Variants in PTPN14 observed in about 807,000 individuals in gnomAD.
PTPN14 encodes tyrosine-protein phosphatase non-receptor type 14.
PTPN14 carries 53 observed loss-of-function variants against 126.8 expected under a neutral mutation model. That is an observed-to-expected ratio of 0.42 (90% CI 0.34 to 0.53). PTPN14 has a LOEUF of 0.53. Among genes scored for constraint, PTPN14 ranks in the 20% least tolerant of loss-of-function variants. PTPN14 has a pLI of 0.08. For synonymous variants in PTPN14, 630 were observed against 599.3 expected, an observed-to-expected ratio of 1.05 and a Z score of -0.75; for missense variants, 1,257 against 1,552.9, an observed-to-expected ratio of 0.81 and a Z score of 3.20.
At chr1:214,398,344 T>G (rs1341085547) in intron 7 of PTPN14, among the ~76,000 whole-genome samples, 1 of 152,122 alleles carries the variant, frequency 6.6e-6, no homozygotes, top group Non-Finnish European at 1.5e-5. Context: ...ATGGGAGGAA[T>G]GGGGAGATGA....
rs1657811987 is a variant in PTPN14, at chr1:214,355,995, G to A, written c.*1927C>T. ...TTTTTTTTGGAGGCAGGGTCTCTCC[G>A]TAGCCCAGCCTGGACTACAGTGGCA... On this transcript the variant is annotated 3_prime_UTR_variant, in exon 19 of 19. Transcript: ENST00000366956. The A allele has an allele frequency of 8.0e-6, 1 of 124,824 alleles. No individual in the cohort carries two copies. The highest frequency in any genetic ancestry group is 1.6e-5 in the Non-Finnish European group (1 of 63,602). The allele number at this position is 124,824 out of a possible 1,614,324, so 7.7% of individuals were successfully genotyped here.
chr1:214,431,135 C>T (rs1011998964), intron 3 of PTPN14, among the ~76,000 whole-genome samples: 1 of 152,108 alleles, frequency 6.6e-6, no homozygotes, highest in Non-Finnish European at 1.5e-5. Flanking sequence ...TAAAATAGGG[C>T]TATGTAAGGA....
chr1:214,517,812 G>A (rs1171203439), intron 1 of PTPN14, among the ~76,000 whole-genome samples: 2 of 152,116 alleles, frequency 1.3e-5, no homozygotes. Context: ...AGGAGTCGTG[G>A]CACATGCCTG....
chr1:214,521,725 C>CCACA (rs34671352), intron 1 of PTPN14, among the ~76,000 whole-genome samples: 4,930 of 149,114 alleles, frequency 0.033, 252 homozygotes, highest in East Asian at 0.25. Flanking sequence ...CAAAGCACAC[C>CCACA]CACACACACA....
intron 1 of PTPN14, among the ~76,000 whole-genome samples, chr1:214,517,394 T>G (rs1655130160): frequency 6.7e-6 from 1 of 148,168 alleles, no homozygotes; most frequent in South Asian, 2.2e-4. Context: ...ACCACCAAGG[T>G]TAAGATTAAC....
intron 1 of PTPN14, among the ~76,000 whole-genome samples, chr1:214,511,565 TTGG>T (rs1231045192): frequency 1.3e-5 from 2 of 151,958 alleles, no homozygotes; most frequent in Non-Finnish European, 2.9e-5. Flanking sequence ...TTGTGCACTG[TTGG>T]TGGGAATACA....
At chr1:214,544,879 G>A (rs1401264071) in intron 1 of PTPN14, among the ~76,000 whole-genome samples, 1 of 151,820 alleles carries the variant, frequency 6.6e-6, no homozygotes. Flanking sequence ...GGAGGGAAGG[G>A]GAGGTGAGAA....
chr1:214,490,883 G>A (rs1661220154), intron 1 of PTPN14, among the ~76,000 whole-genome samples: 1 of 16,880 alleles, frequency 5.9e-5, no homozygotes, highest in South Asian at 2.4e-3. Flanking sequence ...GGGAGGGGAG[G>A]GAAGGGGAGG....
chr1:214,422,528 T>C (rs1288907224), intron 3 of PTPN14, among the ~76,000 whole-genome samples: 4 of 152,180 alleles, frequency 2.6e-5, no homozygotes, highest in Admixed American at 6.5e-5. Context: ...AAATCGTGTG[T>C]TCATAATATT....
At chr1:214,543,463 C>T (rs549376352) in intron 1 of PTPN14, among the ~76,000 whole-genome samples, 1 of 152,258 alleles carries the variant, frequency 6.6e-6, no homozygotes, top group Admixed American at 6.5e-5. Context: ...ATGTATAATA[C>T]ATACTGATAT....
chr1:214,409,752 A>T (rs565993680), intron 5 of PTPN14, among the ~76,000 whole-genome samples: 5 of 92,432 alleles, frequency 5.4e-5, no homozygotes, highest in Non-Finnish European at 1.1e-4. Context: ...GTAAGACTTT[A>T]CTCCTCATGC....
At chr1:214,523,304 A>G (rs1461958886) in intron 1 of PTPN14, among the ~76,000 whole-genome samples, 1 of 152,168 alleles carries the variant, frequency 6.6e-6, no homozygotes, top group African/African-American at 2.4e-5. Context: ...GAATGAACCC[A>G]GAGCAATCTG....
chr1:214,524,041 G>A (rs142994371), intron 1 of PTPN14, among the ~76,000 whole-genome samples: 276 of 151,812 alleles, frequency 1.8e-3, no homozygotes, highest in African/African-American at 6.4e-3. Flanking sequence ...GTAGAGGCAG[G>A]GTTTCACCAT....
At chr1:214,466,129 T>A (rs910799304) in intron 1 of PTPN14, among the ~76,000 whole-genome samples, 21 of 151,506 alleles carry the variant, frequency 1.4e-4, no homozygotes, top group Admixed American at 3.9e-4. Flanking sequence ...GCTATTTTTT[T>A]AATTTTATTT....
chr1:214,481,364 A>G (rs906372119), intron 1 of PTPN14, among the ~76,000 whole-genome samples: 6 of 151,852 alleles, frequency 4.0e-5, no homozygotes, highest in Non-Finnish European at 7.4e-5. Context: ...AAAAAAATTT[A>G]GCTGGGCGTG....
At position 214,542,971 on chromosome 1, in the gene PTPN14, G is replaced by C. The variant is rs578238965; in HGVS notation, c.-155+8212C>G. The stretch of plus-strand genomic sequence containing the variant: ...CGGTGAGAGCCAAGCTTGTGATTTG[G>C]GGGGGAATATCAATGATATCACTGC... On this transcript the variant is annotated intron_variant, in intron 1 of 18. Transcript: ENST00000366956. Among the ~76,000 whole-genome samples, 8 of 152,180 alleles carry C rather than the reference G, an allele frequency of 5.3e-5. No homozygotes were observed. The South Asian group carries it at 1.5e-3, about 28-fold the overall frequency.
chr1:214,376,600 T>A (rs892672280), intron 14 of PTPN14, among the ~76,000 whole-genome samples, 163 bp from the exon 15 acceptor site: 1 of 152,244 alleles, frequency 6.6e-6, no homozygotes, highest in Non-Finnish European at 1.5e-5. Flanking sequence ...TATTTTCCCT[T>A]GTCTAATAAC....
intron 1 of PTPN14, among the ~76,000 whole-genome samples, chr1:214,490,833 G>GGGAAA (rs375730583): frequency 3.0e-5 from 2 of 67,164 alleles, no homozygotes; most frequent in African/African-American, 6.2e-5. Context: ...CGAGACGGAA[G>GGGAAA]GGAAAGGAAA....
At chr1:214,366,197 A>G (rs998958728) in intron 17 of PTPN14, among the ~76,000 whole-genome samples, 1 of 152,144 alleles carries the variant, frequency 6.6e-6, no homozygotes, top group Non-Finnish European at 1.5e-5. Flanking sequence ...AAAGAAAAAG[A>G]AAAGGAGATG....
Sources: allele counts gnomAD v4.1 joint callset (sites outside exome capture counted in the v4.1 genomes callset), GRCh38; gene constraint gnomAD v4.1.1; transcripts MANE v1.5; gene names NCBI Gene and HGNC (gene_info 2026-07-23, HGNC 2026-07-21).